NUMA1: variants seen among roughly 807,000 people sequenced by gnomAD.
The protein encoded by NUMA1 is SP-H antigen.
A neutral mutation model predicts 237.1 loss-of-function variants in NUMA1; 62 were observed. The ratio of observed to expected loss-of-function variants is 0.26; its 90% confidence interval spans 0.21 to 0.32. NUMA1 has a LOEUF of 0.32. NUMA1 is among the 10% of genes least tolerant of loss of function. The pLI is 1.00. For synonymous variants in NUMA1, 1,028 were observed against 1,066.1 expected, an observed-to-expected ratio of 0.96 and a Z score of 0.70; for missense variants, 2,533 against 2,666.5, an observed-to-expected ratio of 0.95 and a Z score of 1.10.
chr11:72,047,630 G>A (rs1406057202), intron 2 of NUMA1, among the ~76,000 whole-genome samples: 2 of 152,154 alleles, frequency 1.3e-5, no homozygotes, highest in Non-Finnish European at 2.9e-5. Flanking sequence ...AGCTTCTAGA[G>A]TCGTTATTCC....
chr11:72,019,137 G>A, intron 9 of NUMA1, 157 bp from the exon 10 acceptor site: 1 of 745,902 alleles, frequency 1.3e-6, no homozygotes, highest in Non-Finnish European at 2.1e-6. Flanking sequence ...CAAGCCTCAT[G>A]ACATGATCTT....
intron 2 of NUMA1, among the ~76,000 whole-genome samples, chr11:72,045,263 G>T (rs1228045505): frequency 6.6e-6 from 1 of 151,974 alleles, no homozygotes; most frequent in South Asian, 2.1e-4. Flanking sequence ...GGGGGTGGGG[G>T]TCAGACCAAG....
intron 21 of NUMA1, among the ~76,000 whole-genome samples, chr11:72,006,489 T>C (rs1269286962): frequency 1.3e-5 from 2 of 151,854 alleles, no homozygotes; most frequent in Admixed American, 1.3e-4. Context: ...TTTCATGGAG[T>C]CTATTCATAA....
rs371522118 is a variant in NUMA1, at chr11:72,020,102, T to C, written c.461-485A>G. 1.2e-4 allele frequency among the ~76,000 whole-genome samples: 18 copies of C among 152,326 alleles called. No homozygotes were observed. In the East Asian group the frequency reaches 3.3e-3, roughly 28 times the overall value. On this transcript the variant is annotated intron_variant, in intron 8 of 26. Transcript: ENST00000393695. ...CTTTCCGTGGTTTCCGTGACCCCTT[T>C]TGTAGGACTCTCCTACCTCTAATCA...
chr11:72,047,802 A>G lies in NUMA1; in HGVS notation c.-32-11827T>C, dbSNP rs1942085414. On this transcript the variant is annotated intron_variant, in intron 2 of 26. Coordinates refer to ENST00000393695, the MANE Select transcript of NUMA1 (RefSeq NM_006185.4). ...TTTACTATGCCAGGATGTAAGTGAC[A>G]GAGAAAAGACTAGAAGGCATTGTAT... 2.6e-5 allele frequency: 4 copies of G among 152,240 alleles called. No individual in the cohort carries two copies. In the South Asian group the frequency reaches 8.3e-4, roughly 31 times the overall value. The allele number at this position is 152,240 out of a possible 1,614,324, so 9.4% of individuals were successfully genotyped here. A position where few individuals can be genotyped will look rare whatever the true frequency, so the allele number is the denominator to read the frequency against.
At chr11:72,040,922 G>C (rs1293484448) in intron 2 of NUMA1, 1 of 152,034 alleles carries the variant, frequency 6.6e-6, no homozygotes, top group Non-Finnish European at 1.5e-5. Flanking sequence ...CAGAGAAAGA[G>C]TGAGGGAGAA....
In NUMA1 at chr11:72,024,290, C is replaced by G. The variant is rs1939281090; in HGVS notation, c.192G>C (p.Val64=). Residue 64 remains valine, a synonymous_variant, in exon 5 of 27, where the codon GTG becomes GTC. Transcript: ENST00000393695. ...GGTGCTTACTCTGCAGAAAACTGCA[C>G]ACAAAGTCCAGTCTCTCTGACACCG... The part of the protein sequence containing the change: ...KQPVSERLDF[V]CSFLQKNRKH... 6.2e-7 allele frequency: 1 copy of G among 1,614,104 alleles called. No individual in the cohort carries two copies. The highest frequency in any genetic ancestry group is 1.3e-5 in the African/African-American group (1 of 74,952).
chr11:72,004,703 G>C lies in NUMA1; in HGVS notation c.5943C>G (p.Ile1981Met), dbSNP rs1274913426. The change falls in exon 24 of 27, where the codon ATC (isoleucine) becomes ATG (methionine). Residue 1981 changes from isoleucine to methionine, a missense_variant. Coordinates refer to ENST00000393695, the MANE Select transcript of NUMA1 (RefSeq NM_006185.4). ...CCCGTTTGCGCTGCTGCCGGGTGGT[G>C]ATGCCAGTGCCCTCGGCTATCTGGA... is the stretch of plus-strand genomic sequence containing the variant. ...QPIQIAEGTG[I>M]TTRQQRKRVS... 1.2e-6 allele frequency: 2 copies of C among 1,613,704 alleles called. No homozygotes were observed. Among genetic ancestry groups the C allele is most frequent in the Non-Finnish European group, 1.7e-6 (2 of 1,179,944 alleles).
chr11:72,036,038 A>T (rs182203805), intron 2 of NUMA1, 63 bp from the exon 3 acceptor site: 9 of 1,310,402 alleles, frequency 6.9e-6, no homozygotes, highest in Non-Finnish European at 9.9e-6. Context: ...CAAGAAATAA[A>T]GGCGAAATGG....
intron 12 of NUMA1, 40 bp from the exon 13 acceptor site, chr11:72,017,867 AC>A (rs1555015945): frequency 7.6e-5 from 1 of 13,132 alleles, no homozygotes; most frequent in South Asian, 4.1e-4. Flanking sequence ...CCCAGAGTCA[AC>A]GCTGACCCCA....
At chr11:72,073,900 T>C (rs562879838) in intron 1 of NUMA1, among the ~76,000 whole-genome samples, 13 of 152,112 alleles carry the variant, frequency 8.5e-5, no homozygotes, top group Non-Finnish European at 1.2e-4. Flanking sequence ...CTTTAAGAAG[T>C]AGCTTCCGAG....
Position 72,004,088 on chromosome 11 carries a change from G to A in NUMA1, c.6135C>T (p.Arg2045=), listed in dbSNP as rs777221278. 3 of 1,613,082 alleles carry A rather than the reference G, an allele frequency of 1.9e-6. No homozygotes were observed. Among genetic ancestry groups the A allele is most frequent in the Admixed American group, 1.7e-5 (1 of 59,740 alleles). Residue 2045 remains arginine (R), a synonymous_variant, in exon 26 of 27, where the codon CGC becomes CGT. Transcript: ENST00000393695. ...APASTKQADR[R]QSMAFSILNT... ...TGAGGATGCTGAAGGCCATCGACTG[G>A]CGCCGGTCAGCCTGCAAGGAAGGGC...
In NUMA1 at chr11:72,010,798, CT is replaced by C; in HGVS notation, c.4706del (p.Gln1569ArgfsTer4). ...ADSDQASKVQ[Q>X]QKLKAVQAQG... ...CCAGCTGCCCCACCTTCAGCTTCTG[CT>C]GCTGCACCTTGCTGGCTTGGTCAGA... On this transcript the variant is annotated frameshift_variant, in exon 17 of 27. Coordinates refer to ENST00000393695, the MANE Select transcript of NUMA1 (RefSeq NM_006185.4). LOFTEE classifies it high-confidence loss of function. 1 of 1,613,720 alleles carries C rather than the reference CT, an allele frequency of 6.2e-7. No individual in the cohort carries two copies. The highest frequency in any genetic ancestry group is 8.5e-7 in the Non-Finnish European group (1 of 1,179,974).
chr11:72,058,827 G>A (rs761446250), intron 2 of NUMA1, among the ~76,000 whole-genome samples: 47 of 152,266 alleles, frequency 3.1e-4, no homozygotes, highest in Non-Finnish European at 5.0e-4. Context: ...CCCCTTACAT[G>A]TGCTCCCTGT....
chr11:72,008,998 A>G lies in NUMA1; in HGVS notation c.5027T>C (p.Leu1676Pro). ...TKEAEQTCRH[L>P]TAQVRSLEAQ... ...CTCCAGGCTGCGCACCTGGGCAGTAAGGTGGCGGCAGGTCTGTTCAGCCTC... is the reference window on the plus strand; with the variant it reads ...CTCCAGGCTGCGCACCTGGGCAGTAGGGTGGCGGCAGGTCTGTTCAGCCTC... The change falls in exon 19 of 27, where the codon CTT becomes CCT. Residue 1676 changes from leucine to proline, a missense_variant. By Grantham distance (98) the Leu-to-Pro change is moderately conservative. Transcript: ENST00000393695. 1 of 1,613,922 alleles carries G rather than the reference A, an allele frequency of 6.2e-7. No individual in the cohort carries two copies. Among genetic ancestry groups the G allele is most frequent in the Non-Finnish European group, 8.5e-7 (1 of 1,180,022 alleles).
rs1955473785 is a variant in NUMA1 at position 72,003,991 on chromosome 11, G to A, written c.6232C>T (p.Pro2078Ser). 2 of 1,613,460 alleles carry A rather than the reference G, an allele frequency of 1.2e-6. No individual in the cohort carries two copies. Among genetic ancestry groups the A allele is most frequent in the Non-Finnish European group, 1.7e-6 (2 of 1,179,642 alleles). ...CGGCGGGTTCCACTGCGAGTGTTGG[G>A]GGAAGCCTTGGACAGGGCCTTCTTT... ...ASKKALSKAS[P>S]NTRSGTRRSP... is the part of the protein sequence containing the mutation. The change falls in exon 26 of 27, where the codon CCC becomes TCC. Residue 2078 changes from proline to serine, a missense_variant. Pro to Ser is a moderately conservative substitution (Grantham distance 74). Around this residue, in one of 3 missense-constraint regions of NUMA1, gnomAD observed 795 missense variants for 750.8 expected, o/e 1.06. Coordinates refer to ENST00000393695, the MANE Select transcript of NUMA1 (RefSeq NM_006185.4).
intron 2 of NUMA1, chr11:72,049,594 G>GTATA (rs1420184978): frequency 5.8e-5 from 1 of 17,206 alleles, no homozygotes; most frequent in Non-Finnish European, 2.2e-4. Flanking sequence ...GTGTGTGTGT[G>GTATA]TGTATATATA....
At chr11:72,062,150 G>A (rs1375272108) in intron 2 of NUMA1, among the ~76,000 whole-genome samples, 2 of 152,140 alleles carry the variant, frequency 1.3e-5, no homozygotes, top group African/African-American at 4.8e-5. Flanking sequence ...AAGCCATTCA[G>A]TTCCTATACG....
Position 72,005,264 on chromosome 11 carries a change from T to C in NUMA1, c.5798A>G (p.His1933Arg). 1 of 1,605,712 alleles carries C rather than the reference T, an allele frequency of 6.2e-7. No individual in the cohort carries two copies. The highest frequency in any genetic ancestry group is 8.5e-7 in the Non-Finnish European group (1 of 1,176,426). ...LQQRNRVCPP[H>R]LKTCYPLESR... ...CTCCAGGGGATAGCAGGTCTTCAGA[T>C]GTGGGGGGCACACTCGATTGCGCTG... Residue 1933 changes from histidine (H) to arginine (R), a missense_variant, in exon 23 of 27, where the codon CAT (histidine) becomes CGT (arginine). His to Arg is a conservative substitution (Grantham distance 29). Coordinates refer to ENST00000393695, the MANE Select transcript of NUMA1 (RefSeq NM_006185.4).
Sources: gnomAD v4.1 joint callset for allele counts (sites outside exome capture counted in the v4.1 genomes callset) on GRCh38, gnomAD v4.1.1 for gene constraint, gnomAD v4.1.1 regional missense constraint, MANE v1.5 for transcripts, NCBI Gene and HGNC (gene_info 2026-07-23, HGNC 2026-07-21) for gene names.